CAMK1D: variants seen among roughly 807,000 people sequenced by gnomAD.
The protein encoded by CAMK1D is calcium/calmodulin-dependent protein kinase type 1D.
Under a neutral mutation model 47.7 loss-of-function variants are expected in CAMK1D, and 9 were observed. That is an observed-to-expected ratio of 0.19 (90% confidence interval 0.11 to 0.33). The LOEUF is 0.33. CAMK1D is among the 10% of genes least tolerant of loss of function. The probability of loss-of-function intolerance (pLI) is 1.00; values close to 1 mark genes in which losing one functional copy is unlikely to be tolerated. For missense variants in CAMK1D, 291 were observed against 488.7 expected (o/e 0.60, Z 3.81); for synonymous variants, 184 against 184.9 (o/e 0.99, Z 0.04).
chr10:12,551,280 C>T (rs534211811), intron 1 of CAMK1D, among the ~76,000 whole-genome samples: 4 of 152,104 alleles, frequency 2.6e-5, no homozygotes, highest in Non-Finnish European at 4.4e-5. Context: ...GAACTGTGCA[C>T]GCGAGGGATC....
intron 1 of CAMK1D, among the ~76,000 whole-genome samples, chr10:12,499,415 C>G (rs1252453994): frequency 3.9e-5 from 6 of 152,032 alleles, no homozygotes; most frequent in Admixed American, 3.9e-4. Flanking sequence ...TCTTACCTTC[C>G]AGTTCCTTCT....
chr10:12,549,056 A>G (rs1466722797), intron 1 of CAMK1D, among the ~76,000 whole-genome samples: 1 of 151,480 alleles, frequency 6.6e-6, no homozygotes, highest in Non-Finnish European at 1.5e-5. Context: ...GGGTTTCACC[A>G]TATTGGCCAG....
Position 12,827,926 on chromosome 10 carries a change from CA to C in CAMK1D, c.1040-842del, listed in dbSNP as rs548464505. 2.0e-5 allele frequency among the ~76,000 whole-genome samples: 3 copies of C among 152,288 alleles called. No homozygotes were observed. The South Asian group carries it at 6.2e-4, about 32-fold the overall frequency. ...ACTCCTGAGACTCAAGCGATCCACCCACCTTGGCCTCCCAAAGTGTTGAGAT... is the reference window on the plus strand; with the variant it reads ...ACTCCTGAGACTCAAGCGATCCACCCCCTTGGCCTCCCAAAGTGTTGAGAT... On this transcript the variant is annotated intron_variant, in intron 10 of 10. Transcript: ENST00000619168.
intron 2 of CAMK1D, among the ~76,000 whole-genome samples, chr10:12,599,645 C>G (rs769542852): frequency 6.6e-6 from 1 of 152,204 alleles, no homozygotes; most frequent in Non-Finnish European, 1.5e-5. Flanking sequence ...GGGAGAGGAG[C>G]AGTCCTACCA....
At chr10:12,734,467 CATATGTGTATATATACACAT>C (rs1209441077) in intron 3 of CAMK1D, among the ~76,000 whole-genome samples, 8 of 3,150 alleles carry the variant, frequency 2.5e-3, no homozygotes, top group East Asian at 0.071. Context: ...TACACATACA[CATATGTGTATATATACACAT>C]ATGTATATAT....
At chr10:12,354,876 C>G (rs1837461959) in intron 1 of CAMK1D, among the ~76,000 whole-genome samples, 1 of 141,846 alleles carries the variant, frequency 7.0e-6, no homozygotes, top group East Asian at 2.1e-4. Context: ...GAGCCTTGCT[C>G]TGTCACTCAG....
At chr10:12,743,489 A>T (rs187098495) in intron 3 of CAMK1D, among the ~76,000 whole-genome samples, 157 of 152,336 alleles carry the variant, frequency 1.0e-3, no homozygotes, top group African/African-American at 3.6e-3. Context: ...CTATAAAAAA[A>T]GGGAAGAATG....
At chr10:12,825,858 T>C in intron 10 of CAMK1D, 168 bp downstream of exon 10, 1 of 1,094,906 alleles carries the variant, frequency 9.1e-7, no homozygotes, top group Non-Finnish European at 1.3e-6. Context: ...ATCACTGGGC[T>C]GGGTGCAGTG....
intron 3 of CAMK1D, among the ~76,000 whole-genome samples, chr10:12,748,005 T>A (rs1348332482): frequency 2.6e-5 from 4 of 152,320 alleles, no homozygotes; most frequent in African/African-American, 9.6e-5. Context: ...CAGAATAATG[T>A]TTGACCAAAT....
rs77284102 is a variant in CAMK1D, at chr10:12,591,459, C to A, written c.224+38103C>A. 5.7e-3 allele frequency among the ~76,000 whole-genome samples: 874 copies of A among 152,358 alleles called. 8 individuals carry two copies. Among genetic ancestry groups the A allele is most frequent in the African/African-American group, 0.02 (822 of 41,576 alleles). On this transcript the variant is annotated intron_variant, in intron 2 of 10. Coordinates refer to ENST00000619168, the MANE Select transcript of CAMK1D (RefSeq NM_153498.4). ...CCACCCAGAGCTTTCCCTTCTTCCA[C>A]TAAAAAGTGTCACACTTCTCTGCCT...
At chr10:12,630,920 G>A (rs1839362492) in intron 2 of CAMK1D, among the ~76,000 whole-genome samples, 1 of 152,170 alleles carries the variant, frequency 6.6e-6, no homozygotes, top group South Asian at 2.1e-4. Flanking sequence ...GGACCAGATT[G>A]CCTTATGATC....
chr10:12,484,980 C>G (rs1834170491), intron 1 of CAMK1D, among the ~76,000 whole-genome samples: 1 of 152,180 alleles, frequency 6.6e-6, no homozygotes, highest in Non-Finnish European at 1.5e-5. Flanking sequence ...TGTAATGTCA[C>G]CGATTACCAT....
intron 2 of CAMK1D, among the ~76,000 whole-genome samples, chr10:12,553,754 C>G (rs1359622810): frequency 6.6e-6 from 1 of 152,200 alleles, no homozygotes; most frequent in Admixed American, 6.5e-5. Context: ...TTGTGAAGTG[C>G]TCACTGCAGC....
At chr10:12,554,496 A>G (rs1360079326) in intron 2 of CAMK1D, among the ~76,000 whole-genome samples, 1 of 90,438 alleles carries the variant, frequency 1.1e-5, no homozygotes, top group Non-Finnish European at 2.9e-5. Context: ...GAGCAAAAAT[A>G]TAAGAAAGTC....
At chr10:12,548,425 A>G (rs1179928924) in intron 1 of CAMK1D, among the ~76,000 whole-genome samples, 2 of 150,486 alleles carry the variant, frequency 1.3e-5, no homozygotes, top group East Asian at 3.9e-4. Flanking sequence ...AATATACATA[A>G]CATAAACTTT....
intron 1 of CAMK1D, among the ~76,000 whole-genome samples, chr10:12,352,512 G>A (rs1022832388): frequency 4.0e-5 from 6 of 151,816 alleles, no homozygotes; most frequent in Non-Finnish European, 8.8e-5. Flanking sequence ...GGGAGGCTGA[G>A]GCAGGAGAAT....
intron 8 of CAMK1D, among the ~76,000 whole-genome samples, chr10:12,816,749 G>A (rs1832811367): frequency 6.6e-6 from 1 of 151,816 alleles, no homozygotes; most frequent in Non-Finnish European, 1.5e-5. Flanking sequence ...GCGCGCGCCT[G>A]TAATCCCAGC....
chr10:12,780,992 C>T (rs530036378), intron 5 of CAMK1D, among the ~76,000 whole-genome samples: 2 of 152,338 alleles, frequency 1.3e-5, no homozygotes, highest in East Asian at 3.9e-4. Context: ...ACTCATCGCA[C>T]GTGGGCGACG....
chr10:12,695,514 A>G (rs573798402), intron 3 of CAMK1D, among the ~76,000 whole-genome samples: 31 of 152,204 alleles, frequency 2.0e-4, no homozygotes, highest in Non-Finnish European at 4.1e-4. Context: ...GAACAAGCGC[A>G]TGATGATGGA....
Sources: gnomAD v4.1 joint callset for allele counts (sites outside exome capture counted in the v4.1 genomes callset) on GRCh38, gnomAD v4.1.1 for gene constraint, MANE v1.5 for transcripts, NCBI Gene and HGNC (gene_info 2026-07-23, HGNC 2026-07-21) for gene names.